BARX2: variants seen among roughly 807,000 people sequenced by gnomAD.
BARX2 encodes the protein BARX homeobox 2.
In BARX2, 11 loss-of-function variants were observed where a neutral mutation model predicts 25.5. That is an observed-to-expected ratio of 0.43 (90% confidence interval 0.27 to 0.71). The LOEUF is 0.71. Among genes scored for constraint, BARX2 ranks in the 30% least tolerant of loss-of-function variants. The pLI is 0.19. For synonymous variants in BARX2, 137 were observed against 149.5 expected (o/e 0.92, Z 0.61); for missense variants, 360 against 359.9 (o/e 1.00, Z 0.00).
At chr11:129,395,975 G>A (rs986737225) in intron 1 of BARX2, among the ~76,000 whole-genome samples, 4 of 152,160 alleles carry the variant, frequency 2.6e-5, no homozygotes, top group African/African-American at 4.8e-5. Context: ...AGATGTTTCT[G>A]TCTGTTTCTA....
rs1451431715 is a variant in BARX2, at chr11:129,390,764, C to T, written c.187+14542C>T. ...TCAATGACTTCTGATTGGGCAATGG[C>T]CTGGCCAGCCACACAGGTAGCCCAA... On this transcript the variant is annotated intron_variant, in intron 1 of 3. Transcript: ENST00000281437. The surrounding 1 kb of genome is among the most constrained non-coding windows in gnomAD (Gnocchi z 4.3). Among the ~76,000 whole-genome samples the T allele has an allele frequency of 1.3e-5, 2 of 152,200 alleles. No homozygotes were observed. Among genetic ancestry groups the T allele is most frequent in the African/African-American group, 4.8e-5 (2 of 41,450 alleles).
intron 1 of BARX2, among the ~76,000 whole-genome samples, chr11:129,425,393 T>C (rs1318824405): frequency 1.3e-5 from 2 of 152,232 alleles, no homozygotes; most frequent in Non-Finnish European, 2.9e-5. Flanking sequence ...TCCTGGCAGC[T>C]TTCCGTCAGG....
intron 1 of BARX2, among the ~76,000 whole-genome samples, chr11:129,415,962 C>T (rs1288448672): frequency 6.6e-6 from 1 of 152,234 alleles, no homozygotes; most frequent in Non-Finnish European, 1.5e-5. Context: ...TAGCCCCCTT[C>T]TTAGGCTCCT....
chr11:129,428,968 G>T (rs1862098760), intron 1 of BARX2, among the ~76,000 whole-genome samples: 1 of 151,854 alleles, frequency 6.6e-6, no homozygotes, highest in Non-Finnish European at 1.5e-5. Context: ...TTGGTGATTA[G>T]GATGTTGCTT....
rs192798500 is a variant in BARX2, at chr11:129,409,728, A to G, written c.188-27023A>G. Among the ~76,000 whole-genome samples the G allele has an allele frequency of 1.0e-3, 152 of 152,204 alleles. No homozygotes were observed. In the East Asian group the frequency reaches 0.011, roughly 11 times the overall value. On this transcript the variant is annotated intron_variant, in intron 1 of 3. Transcript: ENST00000281437. Reference sequence around the variant, plus strand: ...CCTCTTTGCAAACTTTTAGGACTTGATTTCCATCCTGTTTCCTGAAACTTT... The same window carrying G: ...CCTCTTTGCAAACTTTTAGGACTTGGTTTCCATCCTGTTTCCTGAAACTTT...
At chr11:129,444,321 A>G (rs1862298973) in intron 3 of BARX2, among the ~76,000 whole-genome samples, 1 of 152,196 alleles carries the variant, frequency 6.6e-6, no homozygotes, top group East Asian at 1.9e-4. Context: ...TTCCCAAAAA[A>G]GAAATTCCTG....
chr11:129,393,275 A>G (rs1023482649), intron 1 of BARX2, among the ~76,000 whole-genome samples: 1 of 152,166 alleles, frequency 6.6e-6, no homozygotes, highest in East Asian at 1.9e-4. Flanking sequence ...AACAGAAGAC[A>G]AATCCGGTCC....
chr11:129,449,682 G>C (rs1470013318), intron 3 of BARX2, among the ~76,000 whole-genome samples: 1 of 152,190 alleles, frequency 6.6e-6, no homozygotes, highest in Non-Finnish European at 1.5e-5. Flanking sequence ...AGGCCATTTA[G>C]GGTCCAGTTA....
chr11:129,446,208 T>C (rs575288703), intron 3 of BARX2, among the ~76,000 whole-genome samples: 3 of 152,308 alleles, frequency 2.0e-5, no homozygotes, highest in Admixed American at 6.5e-5. Flanking sequence ...CCTCATTATT[T>C]GGTGGTCTCT....
At chr11:129,442,415 G>A (rs374643415) in intron 2 of BARX2, among the ~76,000 whole-genome samples, 3 of 152,194 alleles carry the variant, frequency 2.0e-5, no homozygotes, top group East Asian at 1.9e-4. Flanking sequence ...AGGTGGGACC[G>A]GGGCTGGGTC....
In BARX2 at chr11:129,451,189, G is replaced by A. The variant is rs867154589; in HGVS notation, c.627G>A (p.Lys209=). 1 of 1,614,160 alleles carries A rather than the reference G, an allele frequency of 6.2e-7. No homozygotes were observed. Among genetic ancestry groups the A allele is most frequent in the Non-Finnish European group, 8.5e-7 (1 of 1,180,028 alleles). ...CAAAACCCAAAGGTCGCCCCAAGAA[G>A]AACTCCATCCCCACATCAGAAGAGA... ...APTKPKGRPK[K]NSIPTSEEIE... The change falls in exon 4 of 4, where the codon AAG becomes AAA. Residue 209 remains lysine, a synonymous_variant. Coordinates refer to ENST00000281437, the MANE Select transcript of BARX2 (RefSeq NM_003658.5).
chr11:129,385,842 G>A (rs764227826), intron 1 of BARX2, among the ~76,000 whole-genome samples: 2 of 152,144 alleles, frequency 1.3e-5, no homozygotes, highest in African/African-American at 2.4e-5. Context: ...ACAAGAGACC[G>A]CACATGTCCA....
chr11:129,378,381 T>C (rs955794549), intron 1 of BARX2, among the ~76,000 whole-genome samples: 3 of 152,182 alleles, frequency 2.0e-5, no homozygotes, highest in African/African-American at 7.2e-5. Flanking sequence ...ATCCCATTAG[T>C]GTCTTCTCAG....
chr11:129,381,504 T>C (rs2135383025), intron 1 of BARX2, among the ~76,000 whole-genome samples: 1 of 152,348 alleles, frequency 6.6e-6, no homozygotes, highest in East Asian at 1.9e-4. Context: ...CTCTTTGAAC[T>C]CTACCTACAG....
intron 1 of BARX2, among the ~76,000 whole-genome samples, chr11:129,426,102 A>G (rs192468213): frequency 6.6e-6 from 1 of 151,602 alleles, no homozygotes; most frequent in East Asian, 1.9e-4. Context: ...CTTCAGTCAC[A>G]CAAAACTGGA....
intron 1 of BARX2, among the ~76,000 whole-genome samples, chr11:129,421,762 T>C (rs2954149): frequency 0.75 from 114,195 of 152,148 alleles, 43,174 homozygotes; most frequent in African/African-American, 0.84. Context: ...CCTTACTCTG[T>C]GGAACCAATT....
chr11:129,424,869 G>T (rs1172425584), intron 1 of BARX2, among the ~76,000 whole-genome samples: 1 of 152,128 alleles, frequency 6.6e-6, no homozygotes, highest in Non-Finnish European at 1.5e-5. Context: ...GATGGATGAG[G>T]TTAGCACAAC....
At chr11:129,395,190 T>C (rs577210085) in intron 1 of BARX2, among the ~76,000 whole-genome samples, 2 of 152,246 alleles carry the variant, frequency 1.3e-5, no homozygotes, top group South Asian at 4.2e-4. Flanking sequence ...ATAATGACAG[T>C]TTGGGATTTG....
chr11:129,430,299 T>G (rs1032953873), intron 1 of BARX2, among the ~76,000 whole-genome samples: 1 of 151,770 alleles, frequency 6.6e-6, no homozygotes, highest in Non-Finnish European at 1.5e-5. Flanking sequence ...AAATGTGACA[T>G]ACTTATATTT....
Sources: allele counts gnomAD v4.1 joint callset (sites outside exome capture counted in the v4.1 genomes callset), GRCh38; gene constraint gnomAD v4.1.1; non-coding constraint Gnocchi (gnomAD v3.1); transcripts MANE v1.5; gene names NCBI Gene and HGNC (gene_info 2026-07-23, HGNC 2026-07-21).